MAGI2: variants seen among roughly 807,000 people sequenced by gnomAD.
MAGI2 encodes the protein membrane-associated guanylate kinase, WW and PDZ domain-containing protein 2.
In MAGI2, 35 loss-of-function variants were observed where a neutral mutation model predicts 133.3. The ratio of observed to expected loss-of-function variants is 0.26; its 90% CI spans 0.20 to 0.35. The LOEUF is 0.35. MAGI2 is among the 10% of genes least tolerant of loss of function. The pLI is 1.00. For synonymous variants in MAGI2, 729 were observed against 710.6 expected (o/e 1.03, Z -0.41); for missense variants, 1,636 against 1,863.4 (o/e 0.88, Z 2.25).
At position 78,127,261 on chromosome 7, in the gene MAGI2, A is replaced by G; in HGVS notation, c.3359T>C (p.Leu1120Pro). The change falls in exon 19 of 22, where the codon CTG (leucine) becomes CCG (proline). Residue 1120 changes from leucine to proline, a missense_variant. Coordinates refer to ENST00000354212, the MANE Select transcript of MAGI2 (RefSeq NM_012301.4). The part of the protein sequence containing the change: ...PPLDYRQPPL[L>P]DYRQHSPDTR... ...GTCGGGGGAGTGCTGCCTGTAGTCCAGTAGGGGAGGCTGCCTGTAGTCCAA... is the reference window on the plus strand; with the variant it reads ...GTCGGGGGAGTGCTGCCTGTAGTCCGGTAGGGGAGGCTGCCTGTAGTCCAA... The G allele has an allele frequency of 2.5e-6, 4 of 1,609,304 alleles. No homozygotes were observed. Among genetic ancestry groups the G allele is most frequent in the Non-Finnish European group, 3.4e-6 (4 of 1,177,592 alleles).
At chr7:79,301,068 C>T (rs768256480) in intron 1 of MAGI2, among the ~76,000 whole-genome samples, 5 of 152,246 alleles carry the variant, frequency 3.3e-5, no homozygotes, top group Non-Finnish European at 7.3e-5. Context: ...AGCCTGGGTG[C>T]CCAACAGAAG....
At chr7:78,566,177 G>A (rs1410621878) in intron 3 of MAGI2, among the ~76,000 whole-genome samples, 1 of 152,178 alleles carries the variant, frequency 6.6e-6, no homozygotes. Flanking sequence ...AACCATGTGA[G>A]CAAAGGCATG....
chr7:78,865,026 G>C (rs183789464), intron 2 of MAGI2, among the ~76,000 whole-genome samples: 39 of 152,228 alleles, frequency 2.6e-4, no homozygotes, highest in African/African-American at 9.1e-4. Context: ...GCTTTATAGA[G>C]TATTGCTAAT....
chr7:78,443,468 T>TC (rs1478356133), intron 6 of MAGI2, among the ~76,000 whole-genome samples: 2 of 152,262 alleles, frequency 1.3e-5, no homozygotes, highest in South Asian at 4.1e-4. Context: ...CATGATGCTA[T>TC]CCCCAGGCTT....
At chr7:78,140,631 G>A (rs998084614) in intron 16 of MAGI2, among the ~76,000 whole-genome samples, 1 of 152,236 alleles carries the variant, frequency 6.6e-6, no homozygotes. Flanking sequence ...GTGACCTGAT[G>A]TGAAAATAAA....
intron 2 of MAGI2, among the ~76,000 whole-genome samples, chr7:78,935,779 A>T (rs1401717516): frequency 6.6e-6 from 1 of 152,072 alleles, no homozygotes; most frequent in Non-Finnish European, 1.5e-5. Flanking sequence ...GACTCTCTGT[A>T]AACTGTAAAG....
At chr7:78,714,533 T>C (rs768941350) in intron 2 of MAGI2, among the ~76,000 whole-genome samples, 7 of 152,258 alleles carry the variant, frequency 4.6e-5, no homozygotes, top group Non-Finnish European at 8.8e-5. Flanking sequence ...CAACGAGGCA[T>C]TGGAAATCTA....
At chr7:78,291,537 A>G (rs1271073535) in intron 9 of MAGI2, among the ~76,000 whole-genome samples, 1 of 152,192 alleles carries the variant, frequency 6.6e-6, no homozygotes, top group Admixed American at 6.5e-5. Flanking sequence ...TTCTGAAACT[A>G]TTCCAATCAA....
chr7:78,398,983 T>C (rs1481579860), intron 6 of MAGI2, among the ~76,000 whole-genome samples: 1 of 151,328 alleles, frequency 6.6e-6, no homozygotes, highest in Non-Finnish European at 1.5e-5. Flanking sequence ...AATCTTTTCA[T>C]CTCCTGATAC....
chr7:78,792,147 G>A (rs1488552841), intron 2 of MAGI2, among the ~76,000 whole-genome samples: 1 of 152,094 alleles, frequency 6.6e-6, no homozygotes, highest in Admixed American at 6.5e-5. Flanking sequence ...AGTTGAACAA[G>A]TTTGGCCTAA....
At chr7:78,813,994 T>A (rs1344038261) in intron 2 of MAGI2, among the ~76,000 whole-genome samples, 2 of 152,106 alleles carry the variant, frequency 1.3e-5, no homozygotes, top group African/African-American at 4.8e-5. Context: ...TATTCCACAT[T>A]ACACCAGAAG....
intron 6 of MAGI2, among the ~76,000 whole-genome samples, chr7:78,389,610 C>T (rs1304975178): frequency 6.6e-6 from 1 of 152,054 alleles, no homozygotes; most frequent in African/African-American, 2.4e-5. Context: ...ATTTTGGCTT[C>T]CTGTGATATT....
intron 1 of MAGI2, among the ~76,000 whole-genome samples, chr7:79,418,183 C>T (rs530193165): frequency 6.6e-6 from 1 of 151,928 alleles, no homozygotes; most frequent in Non-Finnish European, 1.5e-5. Context: ...ATCAATGAAA[C>T]ACAGTATCTG....
At chr7:78,275,166 TAC>T (rs1230269291) in intron 9 of MAGI2, among the ~76,000 whole-genome samples, 1 of 152,204 alleles carries the variant, frequency 6.6e-6, no homozygotes, top group Non-Finnish European at 1.5e-5. Context: ...TTCCTCCTGG[TAC>T]AGTCTCTCAT....
chr7:78,280,963 G>A (rs1795511792), intron 9 of MAGI2, among the ~76,000 whole-genome samples: 1 of 151,340 alleles, frequency 6.6e-6, no homozygotes, highest in Non-Finnish European at 1.5e-5. Flanking sequence ...AGCCATAATT[G>A]TTAAATATTC....
intron 3 of MAGI2, among the ~76,000 whole-genome samples, chr7:78,564,617 T>C (rs1800742664): frequency 6.6e-6 from 1 of 152,132 alleles, no homozygotes; most frequent in Non-Finnish European, 1.5e-5. Context: ...TCGTCTCTTA[T>C]ATAACTGTGA....
At chr7:79,022,864 C>T (rs1261763003) in intron 1 of MAGI2, among the ~76,000 whole-genome samples, 1 of 152,072 alleles carries the variant, frequency 6.6e-6, no homozygotes, top group African/African-American at 2.4e-5. Context: ...TCATAGAAAG[C>T]CTATGAACCA....
intron 10 of MAGI2, among the ~76,000 whole-genome samples, chr7:78,208,190 T>G (rs999914163): frequency 2.3e-4 from 35 of 149,578 alleles, no homozygotes; most frequent in African/African-American, 8.4e-4. Context: ...TGCAATGCTT[T>G]AAAAACGATC....
At chr7:78,430,270 A>C (rs1042308930) in intron 6 of MAGI2, among the ~76,000 whole-genome samples, 49 of 123,220 alleles carry the variant, frequency 4.0e-4, no homozygotes, top group African/African-American at 1.5e-3. Flanking sequence ...TTTTTTAATA[A>C]GAGGGGCTAG....
Sources: gnomAD v4.1 joint callset for allele counts (sites outside exome capture counted in the v4.1 genomes callset) on GRCh38, gnomAD v4.1.1 for gene constraint, MANE v1.5 for transcripts, NCBI Gene and HGNC (gene_info 2026-07-23, HGNC 2026-07-21) for gene names.